The following ZIC1 variants were observed in gnomAD, a reference collection of about 807,000 sequenced individuals.
The protein encoded by ZIC1 is zinc finger protein ZIC 1.
ZIC1 carries 4 observed loss-of-function variants against 30.9 expected under a neutral mutation model. The observed-to-expected ratio is 0.13, with a 90% CI of 0.06 to 0.30. ZIC1 has a LOEUF of 0.30. Among genes scored for constraint, ZIC1 ranks in the 10% least tolerant of loss-of-function variants. ZIC1 has a pLI of 1.00. For synonymous variants in ZIC1, 305 were observed against 277.5 expected, an observed-to-expected ratio of 1.10 and a Z score of -0.98; for missense variants, 441 against 639.3, an observed-to-expected ratio of 0.69 and a Z score of 3.34.
At chr3:147,412,062 AG>A (rs1038738185) in intron 1 of ZIC1, among the ~76,000 whole-genome samples, 6 of 150,670 alleles carry the variant, frequency 4.0e-5, no homozygotes, top group African/African-American at 1.5e-4. Context: ...GAGTGTATGT[AG>A]GGAGTGGGGT....
rs545219481 is a variant in ZIC1, at chr3:147,413,536, C to G, written c.1329C>G (p.Asn443Lys). ...AGHSALSSNF[N>K]EWYV ...ACAGTGCGCTCTCTTCCAATTTTAACGAATGGTACGTTTAAAATCAGAAAC... is the reference window on the plus strand; with the variant it reads ...ACAGTGCGCTCTCTTCCAATTTTAAGGAATGGTACGTTTAAAATCAGAAAC... Residue 443 changes from asparagine (N) to lysine (K), a missense_variant, in exon 3 of 3, where the codon AAC becomes AAG. By Grantham distance (94) the Asn-to-Lys change is moderately conservative. Transcript: ENST00000282928. The G allele has an allele frequency of 6.2e-7, 1 of 1,614,044 alleles. No individual in the cohort carries two copies. Among genetic ancestry groups the G allele is most frequent in the Non-Finnish European group, 8.5e-7 (1 of 1,179,988 alleles).
At position 147,410,307 on chromosome 3, in the gene ZIC1, G is replaced by T. The variant is rs1402887886; in HGVS notation, c.195G>T (p.Thr65=). The stretch of plus-strand genomic sequence containing the variant: ...CTTCGGCCGGCCAGACGGCCTTCAC[G>T]TCGCAGGCGCCAGGCTACGCGGCTG... ...ELASAGQTAF[T]SQAPGYAAAA... Residue 65 remains threonine, a synonymous_variant, in exon 1 of 3, where the codon ACG becomes ACT. Coordinates refer to ENST00000282928, the MANE Select transcript of ZIC1 (RefSeq NM_003412.4). The T allele has an allele frequency of 2.5e-6, 4 of 1,599,760 alleles. No individual in the cohort carries two copies. Among genetic ancestry groups the T allele is most frequent in the Non-Finnish European group, 3.4e-6 (4 of 1,179,210 alleles).
rs750620561 is a variant in ZIC1, at chr3:147,410,351, A to G, written c.239A>G (p.His80Arg). 6.2e-7 allele frequency: 1 copy of G among 1,600,836 alleles called. No homozygotes were observed. Among genetic ancestry groups the G allele is most frequent in the South Asian group, 1.1e-5 (1 of 90,998 alleles). The part of the protein sequence containing the change: ...GYAAAAALGH[H>R]HHPGHVGSYS... ...GCGGCTGCTGCGGCCCTGGGCCATC[A>G]CCATCACCCGGGCCACGTCGGCTCC... Residue 80 changes from histidine (H) to arginine (R), a missense_variant, in exon 1 of 3, where the codon CAC becomes CGC. His to Arg is a conservative substitution (Grantham distance 29, BLOSUM62 0). This residue lies in a region of ZIC1 where 307 missense variants were observed against 355.3 expected (regional missense o/e 0.86). Transcript: ENST00000282928.
rs2087362582 is a variant in ZIC1, at chr3:147,410,594, G to C, written c.482G>C (p.Gly161Ala). 1.9e-6 allele frequency: 3 copies of C among 1,613,382 alleles called. No individual in the cohort carries two copies. The highest frequency in any genetic ancestry group is 2.5e-6 in the Non-Finnish European group (3 of 1,179,852). The change falls in exon 1 of 3, where the codon GGG becomes GCG. Residue 161 changes from glycine to alanine, a missense_variant. Transcript: ENST00000282928. Reference protein sequence around the residue: ...AGHASPNVVNGQMRLGFSGDM... With the variant: ...AGHASPNVVNAQMRLGFSGDM... ...CACGCGTCGCCTAACGTGGTCAACG[G>C]GCAGATGAGGCTCGGCTTCTCGGGG...
At chr3:147,413,253 TC>T in intron 2 of ZIC1, 100 bp from the exon 3 acceptor site, 1 of 1,307,576 alleles carries the variant, frequency 7.6e-7, no homozygotes, top group Non-Finnish European at 1.1e-6. Flanking sequence ...TTCAGGGGGC[TC>T]CAAGGGGTCC....
chr3:147,412,160 G>T (rs1410396762), intron 1 of ZIC1, among the ~76,000 whole-genome samples: 1 of 152,030 alleles, frequency 6.6e-6, no homozygotes, highest in South Asian at 2.1e-4. Context: ...AGAATAAGCC[G>T]CAAACGTGAA....
chr3:147,410,754 C>G lies in ZIC1; in HGVS notation c.642C>G (p.Phe214Leu). The G allele has an allele frequency of 6.2e-7, 1 of 1,614,230 alleles. No homozygotes were observed. The highest frequency in any genetic ancestry group is 8.5e-7 in the Non-Finnish European group (1 of 1,180,022). ...MAAHHGAGAFFRYMRQPIKQE... is the reference protein window; with the variant it reads ...MAAHHGAGAFLRYMRQPIKQE... ...CGCATCACGGCGCCGGCGCCTTCTT[C>G]CGCTACATGCGCCAACCCATCAAGC... is the stretch of plus-strand genomic sequence containing the variant. The change falls in exon 1 of 3, where the codon TTC (phenylalanine) becomes TTG (leucine). Residue 214 changes from phenylalanine (F) to leucine (L), a missense_variant. Physicochemically the swap from Phe to Leu is conservative, Grantham distance 22 (BLOSUM62 0). Transcript: ENST00000282928.
intron 2 of ZIC1, 96 bp downstream of exon 2, chr3:147,412,777 A>C: frequency 2.0e-6 from 3 of 1,469,604 alleles, no homozygotes; most frequent in East Asian, 2.3e-5. Context: ...CGGTGGCGGG[A>C]GCCAGAGGAA....
In ZIC1 at chr3:147,410,830, A is replaced by G; in HGVS notation, c.718A>G (p.Lys240Glu). Residue 240 changes from lysine (K) to glutamate (E), a missense_variant, in exon 1 of 3, where the codon AAG becomes GAG. Around this residue, in one of 5 missense-constraint regions of ZIC1, gnomAD observed 307 missense variants for 355.3 expected, o/e 0.86. Transcript: ENST00000282928. Reference sequence around the variant, plus strand: ...GCCCGAGCAGCTGGCCAACCCCAAAAAGTCGTGCAACAAAACTTTCAGCAC... The same window carrying G: ...GCCCGAGCAGCTGGCCAACCCCAAAGAGTCGTGCAACAAAACTTTCAGCAC... The part of the protein sequence containing the change: ...IEPEQLANPK[K>E]SCNKTFSTMH... 6.2e-7 allele frequency: 1 copy of G among 1,614,140 alleles called. No homozygotes were observed. The highest frequency in any genetic ancestry group is 8.5e-7 in the Non-Finnish European group (1 of 1,180,022).
rs2087424261 is a variant in ZIC1, at chr3:147,415,292, T to A, written c.*1741T>A. 6.5e-6 allele frequency: 1 copy of A among 152,672 alleles called. No homozygotes were observed. Among genetic ancestry groups the A allele is most frequent in the South Asian group, 2.1e-4 (1 of 4,830 alleles). The allele number at this position is 152,672 out of a possible 1,614,324, so 9.5% of individuals were successfully genotyped here. A position where few individuals can be genotyped will look rare whatever the true frequency, so the allele number is the denominator to read the frequency against. On this transcript the variant is annotated 3_prime_UTR_variant, in exon 3 of 3. Transcript: ENST00000282928. ...TTTATTTCTCATTTACTTAAGAAAT[T>A]CGTTCCATTGGTTGGCATTGATACA...
Position 147,412,687 on chromosome 3 carries a change from C to G in ZIC1, c.1146+6C>G, listed in dbSNP as rs1042471236. On this transcript the variant is annotated splice_donor_region_variant and intron_variant, in intron 2 of 2. Transcript: ENST00000282928. ...CGCTGCGCAAACACATGAAGGTAAT[C>G]GCCGCACTCTCGTCGCCCCCTTTGA... 6.2e-7 allele frequency: 1 copy of G among 1,606,304 alleles called. No homozygotes were observed. The highest frequency in any genetic ancestry group is 1.1e-5 in the South Asian group (1 of 90,850).
At chr3:147,413,290 G>A (rs1576470687) in intron 2 of ZIC1, 64 bp from the exon 3 acceptor site, 2 of 1,554,256 alleles carry the variant, frequency 1.3e-6, no homozygotes, top group Non-Finnish European at 1.7e-6. Flanking sequence ...CGCGGCCTTC[G>A]CCTCTCTAGT....
intron 1 of ZIC1, among the ~76,000 whole-genome samples, chr3:147,411,384 G>C (rs2087376252): frequency 6.6e-6 from 1 of 152,204 alleles, no homozygotes; most frequent in Admixed American, 6.5e-5. Context: ...GGAGACCTTG[G>C]TGCTTTCGAA....
At position 147,410,150 on chromosome 3, in the gene ZIC1, G is replaced by A; in HGVS notation, c.38G>A (p.Gly13Asp). 1 of 1,595,996 alleles carries A rather than the reference G, an allele frequency of 6.3e-7. No individual in the cohort carries two copies. Among genetic ancestry groups the A allele is most frequent in the Non-Finnish European group, 8.5e-7 (1 of 1,177,704 alleles). Residue 13 changes from glycine (G) to aspartate (D), a missense_variant, in exon 1 of 3, where the codon GGC (glycine) becomes GAC (aspartate). This residue lies in a region of ZIC1 where 307 missense variants were observed against 355.3 expected (regional missense o/e 0.86). Transcript: ENST00000282928. ...GCCGGCCCCCAGTACCCAGCGATCG[G>A]CGTGACCACCTTTGGCGCGTCCCGC... is the stretch of plus-strand genomic sequence containing the variant. ...LDAGPQYPAI[G>D]VTTFGASRHH... is the part of the protein sequence containing the mutation.
At position 147,410,148 on chromosome 3, in the gene ZIC1, C is replaced by T; in HGVS notation, c.36C>T (p.Ile12=). ...ACGCCGGCCCCCAGTACCCAGCGAT[C>T]GGCGTGACCACCTTTGGCGCGTCCC... ...LLDAGPQYPA[I]GVTTFGASRH... Residue 12 remains isoleucine, a synonymous_variant, in exon 1 of 3, where the codon ATC becomes ATT. Transcript: ENST00000282928. The T allele has an allele frequency of 6.3e-7, 1 of 1,594,268 alleles. No individual in the cohort carries two copies. Among genetic ancestry groups the T allele is most frequent in the South Asian group, 1.1e-5 (1 of 90,272 alleles).
rs1476042566 is a variant in ZIC1 at position 147,411,227 on chromosome 3, A to C, written c.982+133A>C. ...GTCAGGTTCCGGCAGGCAGGCAGGG[A>C]AAGTGTGCGCTGATTTTTAGTTTCT... On this transcript the variant is annotated intron_variant, in intron 1 of 2. Transcript: ENST00000282928. 4.8e-6 allele frequency: 6 copies of C among 1,255,058 alleles called. No individual in the cohort carries two copies. In the African/African-American group the frequency reaches 9.1e-5, roughly 19 times the overall value. The allele number at this position is 1,255,058 out of a possible 1,614,324, so 77.7% of individuals were successfully genotyped here.
In ZIC1 at chr3:147,412,687, C is replaced by T. The variant is rs1042471236; in HGVS notation, c.1146+6C>T. ...CGCTGCGCAAACACATGAAGGTAATCGCCGCACTCTCGTCGCCCCCTTTGA... is the reference window on the plus strand; with the variant it reads ...CGCTGCGCAAACACATGAAGGTAATTGCCGCACTCTCGTCGCCCCCTTTGA... On this transcript the variant is annotated splice_donor_region_variant and intron_variant, in intron 2 of 2. Transcript: ENST00000282928. 6.2e-7 allele frequency: 1 copy of T among 1,606,186 alleles called. No homozygotes were observed. Among genetic ancestry groups the T allele is most frequent in the Middle Eastern group, 1.7e-4 (1 of 6,050 alleles).
Position 147,410,130 on chromosome 3 carries a change from C to A in ZIC1, c.18C>A (p.Gly6=). 1 of 1,569,330 alleles carries A rather than the reference C, an allele frequency of 6.4e-7. No homozygotes were observed. The highest frequency in any genetic ancestry group is 8.6e-7 in the Non-Finnish European group (1 of 1,165,880). ...CAGCCACGATGCTCCTGGACGCCGGCCCCCAGTACCCAGCGATCGGCGTGA... is the reference window on the plus strand; with the variant it reads ...CAGCCACGATGCTCCTGGACGCCGGACCCCAGTACCCAGCGATCGGCGTGA... MLLDA[G]PQYPAIGVTT... is the part of the protein sequence containing the mutation. The change falls in exon 1 of 3, where the codon GGC becomes GGA. Residue 6 remains glycine, a synonymous_variant. Coordinates refer to ENST00000282928, the MANE Select transcript of ZIC1 (RefSeq NM_003412.4).
At chr3:147,413,207 C>A in intron 2 of ZIC1, 147 bp from the exon 3 acceptor site, 1 of 840,512 alleles carries the variant, frequency 1.2e-6, no homozygotes, top group Non-Finnish European at 1.8e-6. Flanking sequence ...GCAGAGAAAC[C>A]AAGCCCAAAG....
Sources: gnomAD v4.1 joint callset for allele counts (sites outside exome capture counted in the v4.1 genomes callset) on GRCh38, gnomAD v4.1.1 for gene constraint, gnomAD v4.1.1 regional missense constraint, MANE v1.5 for transcripts, NCBI Gene and HGNC (gene_info 2026-07-23, HGNC 2026-07-21) for gene names.